Variants in SYCP2L observed in about 807,000 individuals in gnomAD.
The protein encoded by SYCP2L is synaptonemal complex protein 2-like.
In SYCP2L, 98 loss-of-function variants were observed where a neutral mutation model predicts 125.8. That is an observed-to-expected ratio of 0.78 (90% CI 0.66 to 0.92). The LOEUF is 0.92. Among genes scored for constraint, SYCP2L ranks in the 40% least tolerant of loss-of-function variants. The pLI is 0.00. For missense variants in SYCP2L, 842 were observed against 936.4 expected, an observed-to-expected ratio of 0.90 and a Z score of 1.32; for synonymous variants, 317 against 325.4, an observed-to-expected ratio of 0.97 and a Z score of 0.28.
intron 14 of SYCP2L, among the ~76,000 whole-genome samples, chr6:10,917,277 A>G (rs1780709196): frequency 6.6e-6 from 1 of 152,194 alleles, no homozygotes; most frequent in African/African-American, 2.4e-5. Flanking sequence ...GTTGCTGTCT[A>G]TCTCATTTCT....
intron 14 of SYCP2L, among the ~76,000 whole-genome samples, chr6:10,920,087 C>T (rs1402742258): frequency 6.6e-6 from 1 of 152,174 alleles, no homozygotes; most frequent in Non-Finnish European, 1.5e-5. Context: ...GGTGGTCTGG[C>T]TGGTGCCATC....
intron 6 of SYCP2L, among the ~76,000 whole-genome samples, chr6:10,901,402 T>C (rs1014137957): frequency 2.0e-5 from 3 of 152,170 alleles, no homozygotes; most frequent in Non-Finnish European, 2.9e-5. Context: ...TGCATTATCT[T>C]CTGATATTAA....
chr6:10,936,509 A>C (rs1020236003), intron 21 of SYCP2L, among the ~76,000 whole-genome samples: 10 of 152,162 alleles, frequency 6.6e-5, no homozygotes, highest in Admixed American at 2.0e-4. Context: ...ATAGATTAAA[A>C]GGAAGGAAGA....
intron 29 of SYCP2L, among the ~76,000 whole-genome samples, chr6:10,968,830 G>A (rs1355845680): frequency 1.3e-5 from 2 of 152,168 alleles, no homozygotes; most frequent in Non-Finnish European, 2.9e-5. Context: ...CTGACTTTTC[G>A]AAGCTTTTTG....
At chr6:10,958,716 C>G in intron 25 of SYCP2L, 68 bp from the exon 26 acceptor site, 1 of 1,401,954 alleles carries the variant, frequency 7.1e-7, no homozygotes, top group South Asian at 1.2e-5. Flanking sequence ...CTTTTTAACA[C>G]AAAGCATGCA....
chr6:10,951,672 G>C (rs1171403840), intron 23 of SYCP2L, among the ~76,000 whole-genome samples: 2 of 152,092 alleles, frequency 1.3e-5, no homozygotes, highest in African/African-American at 4.8e-5. Context: ...TACTTGCCTT[G>C]GGAAAGCGCT....
intron 14 of SYCP2L, among the ~76,000 whole-genome samples, chr6:10,919,361 C>T (rs984037846): frequency 6.6e-6 from 1 of 152,108 alleles, no homozygotes; most frequent in Non-Finnish European, 1.5e-5. Context: ...ATCTAGCCAC[C>T]CAGCAAGTCT....
chr6:10,894,155 G>A lies in SYCP2L; in HGVS notation c.287G>A (p.Gly96Asp), dbSNP rs754862118. ...TGTATTCAGCGATTCCTCGTAGATG[G>A]CCTGAAAGAAGATGAACCTCTGCTA... ...LKCIQRFLVD[G>D]LKEDEPLLIR... The change falls in exon 4 of 30, where the codon GGC becomes GAC. Residue 96 changes from glycine to aspartate, a missense_variant. Coordinates refer to ENST00000283141, the MANE Select transcript of SYCP2L (RefSeq NM_001040274.3). The A allele has an allele frequency of 1.2e-5, 19 of 1,613,332 alleles. No individual in the cohort carries two copies. The highest frequency in any genetic ancestry group is 1.5e-5 in the Non-Finnish European group (18 of 1,179,878).
In SYCP2L at chr6:10,912,749, A is replaced by G; in HGVS notation, c.995A>G (p.Tyr332Cys). ...CTAGGAAGTCAGAGTGTCACTTTTT[A>G]TATAGACAATGCTGAGGTAATGATG... ...FNLGSQSVTFYIDNAENTLWD... is the reference protein window; with the variant it reads ...FNLGSQSVTFCIDNAENTLWD... Residue 332 changes from tyrosine to cysteine, a missense_variant, in exon 13 of 30, where the codon TAT becomes TGT. By Grantham distance (194) the Tyr-to-Cys change is radical. Coordinates refer to ENST00000283141, the MANE Select transcript of SYCP2L (RefSeq NM_001040274.3). This position sits in a 1 kb window ranked among gnomAD's most constrained non-coding sequence, Gnocchi z 4.1. The G allele has an allele frequency of 6.2e-7, 1 of 1,613,752 alleles. No homozygotes were observed. Among genetic ancestry groups the G allele is most frequent in the South Asian group, 1.1e-5 (1 of 91,040 alleles).
Position 10,898,936 on chromosome 6 carries a change from G to A in SYCP2L, c.466+88G>A, listed in dbSNP as rs1453393117. On this transcript the variant is annotated intron_variant, in intron 6 of 29. Transcript: ENST00000283141. ...GAGAAAAGAAAAATGATATGTAAAA[G>A]TAAAGTGAGTTTAAACATTTTATTT... 7 of 853,262 alleles carry A rather than the reference G, an allele frequency of 8.2e-6. No individual in the cohort carries two copies. The Admixed American group carries it at 1.5e-4, about 18-fold the overall frequency. The allele number at this position is 853,262 out of a possible 1,614,324, so 52.9% of individuals were successfully genotyped here.
At chr6:10,919,394 G>A (rs1032403153) in intron 14 of SYCP2L, among the ~76,000 whole-genome samples, 6 of 148,064 alleles carry the variant, frequency 4.1e-5, no homozygotes, top group Non-Finnish European at 8.8e-5. Context: ...GCTGGTACTG[G>A]GGGTTGTCTG....
intron 2 of SYCP2L, 135 bp from the exon 3 acceptor site, chr6:10,893,732 G>A (rs1780211684): frequency 3.0e-6 from 3 of 1,014,000 alleles, no homozygotes; most frequent in South Asian, 3.1e-5. Flanking sequence ...TACTATTCAA[G>A]ATAGAGATCT....
At chr6:10,961,270 A>C in intron 26 of SYCP2L, 35 bp from the exon 27 acceptor site, 1 of 1,551,624 alleles carries the variant, frequency 6.4e-7, no homozygotes, top group Non-Finnish European at 8.9e-7. Flanking sequence ...CATCCAAGCG[A>C]TCCCAATGAT....
chr6:10,938,456 A>C (rs1265858812), intron 21 of SYCP2L, among the ~76,000 whole-genome samples: 1 of 152,214 alleles, frequency 6.6e-6, no homozygotes, highest in African/African-American at 2.4e-5. Context: ...CATTCCACTC[A>C]ATGGTGAAAA....
chr6:10,916,527 C>A (rs1274558915), intron 14 of SYCP2L, among the ~76,000 whole-genome samples: 1 of 152,162 alleles, frequency 6.6e-6, no homozygotes, highest in African/African-American at 2.4e-5. Context: ...TCACTGTTGT[C>A]ACTCAGTTCA....
At chr6:10,926,594 C>T (rs1482099542) in intron 16 of SYCP2L, among the ~76,000 whole-genome samples, 162 bp downstream of exon 16, 3 of 152,050 alleles carry the variant, frequency 2.0e-5, no homozygotes, top group Admixed American at 6.6e-5. Flanking sequence ...TTGTTTTCTA[C>T]ACCTGTTAAG....
intron 14 of SYCP2L, among the ~76,000 whole-genome samples, chr6:10,916,389 G>A (rs1393177460): frequency 1.3e-5 from 2 of 152,064 alleles, no homozygotes; most frequent in Admixed American, 6.5e-5. Flanking sequence ...TATTTCTCTA[G>A]TTCCTTGAGG....
chr6:10,929,658 G>T (rs1780956010), intron 18 of SYCP2L, among the ~76,000 whole-genome samples: 1 of 152,128 alleles, frequency 6.6e-6, no homozygotes, highest in Non-Finnish European at 1.5e-5. Context: ...TCCTGGGCTG[G>T]GTGCGGTGGC....
At chr6:10,947,020 A>G (rs894905777) in intron 23 of SYCP2L, among the ~76,000 whole-genome samples, 3 of 151,390 alleles carry the variant, frequency 2.0e-5, no homozygotes, top group Non-Finnish European at 2.9e-5. Flanking sequence ...CTATTCCTTC[A>G]CTTTATTTGC....
Sources: gnomAD v4.1 joint callset for allele counts (sites outside exome capture counted in the v4.1 genomes callset) on GRCh38, gnomAD v4.1.1 for gene constraint, Gnocchi (gnomAD v3.1) non-coding constraint, MANE v1.5 for transcripts, NCBI Gene and HGNC (gene_info 2026-07-23, HGNC 2026-07-21) for gene names.